Variants in MYO18A observed in about 807,000 individuals in gnomAD.
MYO18A encodes myosin XVIIIA.
In MYO18A, 78 loss-of-function variants were observed where a neutral mutation model predicts 235.8. That is an observed-to-expected ratio of 0.33 (90% CI 0.28 to 0.40). The LOEUF is 0.40. Among genes scored for constraint, MYO18A ranks in the 10% least tolerant of loss-of-function variants. The probability of loss-of-function intolerance (pLI) is 1.00; values close to 1 mark genes in which losing one functional copy is unlikely to be tolerated. For missense variants in MYO18A, 2,215 were observed against 2,699.3 expected (o/e 0.82, Z 3.98); for synonymous variants, 977 against 1,077.8 (o/e 0.91, Z 1.83).
intron 1 of MYO18A, among the ~76,000 whole-genome samples, chr17:29,171,178 G>A (rs557434163): frequency 2.6e-5 from 4 of 152,174 alleles, no homozygotes; most frequent in African/African-American, 4.8e-5. Flanking sequence ...AGCCAGGCGC[G>A]TTGGCTCACG....
intron 14 of MYO18A, 180 bp from the exon 15 acceptor site, chr17:29,114,277 C>T (rs2067004465): frequency 1.6e-5 from 9 of 580,480 alleles, no homozygotes; most frequent in Non-Finnish European, 2.8e-5. Context: ...ATTTTTTGCA[C>T]AGCTAAAATT....
intron 41 of MYO18A, chr17:29,080,846 C>T: frequency 2.0e-6 from 2 of 985,426 alleles, no homozygotes; most frequent in South Asian, 9.4e-5. Flanking sequence ...GGGGGCCTCT[C>T]AGGGGAGGCC....
chr17:29,176,985 C>T (rs1323347944), intron 1 of MYO18A, among the ~76,000 whole-genome samples: 1 of 152,206 alleles, frequency 6.6e-6, no homozygotes, highest in Non-Finnish European at 1.5e-5. Flanking sequence ...CGGGAGAGCT[C>T]CTGCGGCCTC....
At chr17:29,136,307 T>A (rs2067602462) in intron 2 of MYO18A, among the ~76,000 whole-genome samples, 1 of 145,272 alleles carries the variant, frequency 6.9e-6, no homozygotes, top group Admixed American at 6.9e-5. Flanking sequence ...AAACCTACCA[T>A]GTACCCACAA....
intron 21 of MYO18A, among the ~76,000 whole-genome samples, chr17:29,100,034 AG>A (rs1329830532): frequency 6.6e-6 from 1 of 152,152 alleles, no homozygotes; most frequent in East Asian, 1.9e-4. Flanking sequence ...GGGAAGGTAA[AG>A]GGAAGATACC....
At chr17:29,119,813 C>T (rs1386323364) in intron 7 of MYO18A, among the ~76,000 whole-genome samples, 1 of 152,126 alleles carries the variant, frequency 6.6e-6, no homozygotes, top group Non-Finnish European at 1.5e-5. Flanking sequence ...ATCCACCCAC[C>T]TCAGCCTCCC....
intron 2 of MYO18A, chr17:29,133,888 T>C (rs2067533911): frequency 7.8e-7 from 1 of 1,286,738 alleles, no homozygotes; most frequent in Non-Finnish European, 1.0e-6. Flanking sequence ...GGGGGCAGGG[T>C]CTCTCAGTGT....
At chr17:29,083,940 T>C (rs1221305350) in intron 40 of MYO18A, among the ~76,000 whole-genome samples, 1 of 152,234 alleles carries the variant, frequency 6.6e-6, no homozygotes, top group Non-Finnish European at 1.5e-5. Context: ...GTTAAAAGCG[T>C]TTCCATATAA....
At chr17:29,081,113 GAC>G in intron 41 of MYO18A, 1 of 603,502 alleles carries the variant, frequency 1.7e-6, no homozygotes, top group African/African-American at 2.0e-5. Context: ...AGAGAATAAA[GAC>G]ACAGGGGGAG....
chr17:29,177,247 C>T (rs1163125204), intron 1 of MYO18A, among the ~76,000 whole-genome samples: 3 of 152,208 alleles, frequency 2.0e-5, no homozygotes, highest in Non-Finnish European at 2.9e-5. Context: ...AGCCCATCAT[C>T]CAACCTCTCT....
Position 29,118,630 on chromosome 17 carries a change from T to C in MYO18A, c.1830-190A>G, listed in dbSNP as rs759295873. Among the ~76,000 whole-genome samples, 2 of 152,214 alleles carry C rather than the reference T, an allele frequency of 1.3e-5. No individual in the cohort carries two copies. The highest frequency in any genetic ancestry group is 2.9e-5 in the Non-Finnish European group (2 of 68,030). ...GCCTGGATGCCTGGTTAGAGTACCATTCTCCTGAGGACAAGCCACCAGACA... is the reference window on the plus strand; with the variant it reads ...GCCTGGATGCCTGGTTAGAGTACCACTCTCCTGAGGACAAGCCACCAGACA... On this transcript the variant is annotated intron_variant, in intron 8 of 41. Transcript: ENST00000527372. This position sits in a 1 kb window ranked among gnomAD's most constrained non-coding sequence, Gnocchi z 4.2.
intron 1 of MYO18A, among the ~76,000 whole-genome samples, chr17:29,174,237 G>A (rs888635260): frequency 5.3e-5 from 8 of 152,164 alleles, no homozygotes; most frequent in Non-Finnish European, 7.3e-5. Context: ...CAGGTGCAGC[G>A]GCTCAGGCCT....
In MYO18A at chr17:29,092,957, G is replaced by T; in HGVS notation, c.4971C>A (p.Asp1657Glu). The change falls in exon 33 of 42, where the codon GAC becomes GAA. Residue 1657 changes from aspartate (D) to glutamate (E), a missense_variant. Transcript: ENST00000527372. ...DFESEKRLRK[D>E]LKRTKALLAD... is the part of the protein sequence containing the mutation. ...CCAGCAGGGCCTTGGTGCGCTTCAG[G>T]TCCTTCCGCAGCCGCTTCTCTGACT... 1 of 1,613,716 alleles carries T rather than the reference G, an allele frequency of 6.2e-7. No homozygotes were observed. Among genetic ancestry groups the T allele is most frequent in the Non-Finnish European group, 8.5e-7 (1 of 1,179,812 alleles).
At position 29,140,423 on chromosome 17, in the gene MYO18A, A is replaced by G; in HGVS notation, c.1000-18170T>C. 7.8e-7 allele frequency: 1 copy of G among 1,276,194 alleles called. No homozygotes were observed. Among genetic ancestry groups the G allele is most frequent in the Non-Finnish European group, 1.0e-6 (1 of 982,350 alleles). The allele number at this position is 1,276,194 out of a possible 1,614,324, so 79.1% of individuals were successfully genotyped here. A position where few individuals can be genotyped will look rare whatever the true frequency, so the allele number is the denominator to read the frequency against. ...GGCTCCGTTAGCAGCTCAAAATAGC[A>G]CAGGCTGTGGCCCCGCCCAGTTCCC... On this transcript the variant is annotated intron_variant, in intron 2 of 41. Transcript: ENST00000527372. This position sits in a 1 kb window ranked among gnomAD's most constrained non-coding sequence, Gnocchi z 4.2.
rs958444712 is a variant in MYO18A, at chr17:29,097,822, C to T, written c.4068G>A (p.Ala1356=). The T allele has an allele frequency of 6.8e-6, 11 of 1,613,766 alleles. No individual in the cohort carries two copies. The East Asian group carries it at 1.1e-4, about 16-fold the overall frequency. ...EVMEARLIRA[A]EINGEVDDDD... ...CATCATCCACTTCCCCGTTGATCTC[C>T]GCTGCCCGGATGAGACGGGCCTCCA... Residue 1356 remains alanine (A), a synonymous_variant, in exon 26 of 42, where the codon GCG becomes GCA. Coordinates refer to ENST00000527372, the MANE Select transcript of MYO18A (RefSeq NM_078471.4).
intron 21 of MYO18A, among the ~76,000 whole-genome samples, chr17:29,102,693 C>G (rs1282170111): frequency 1.3e-5 from 2 of 152,232 alleles, no homozygotes; most frequent in Non-Finnish European, 2.9e-5. Context: ...GACGCAAAGA[C>G]ACAGAGATGG....
chr17:29,175,885 C>T (rs1213393606), intron 1 of MYO18A, among the ~76,000 whole-genome samples: 1 of 152,058 alleles, frequency 6.6e-6, no homozygotes, highest in East Asian at 1.9e-4. Context: ...TGGTGAAACC[C>T]TGTCTCTACT....
intron 24 of MYO18A, 27 bp from the exon 25 acceptor site, chr17:29,098,251 C>T: frequency 3.1e-6 from 5 of 1,613,612 alleles, no homozygotes; most frequent in Non-Finnish European, 4.2e-6. Context: ...GGAGTCACCA[C>T]CAGTTGAAGT....
intron 2 of MYO18A, among the ~76,000 whole-genome samples, chr17:29,164,319 C>A (rs541563674): frequency 1.1e-3 from 161 of 152,324 alleles, no homozygotes; most frequent in Middle Eastern, 0.01. Flanking sequence ...AATGAAGAGT[C>A]CAGGTCTTCC....
Sources: allele counts gnomAD v4.1 joint callset (sites outside exome capture counted in the v4.1 genomes callset), GRCh38; gene constraint gnomAD v4.1.1; non-coding constraint Gnocchi (gnomAD v3.1); transcripts MANE v1.5; gene names NCBI Gene and HGNC (gene_info 2026-07-23, HGNC 2026-07-21).